Variants in CDH8 observed in about 807,000 individuals in gnomAD.
The protein encoded by CDH8 is cadherin-8.
Under a neutral mutation model 68.1 loss-of-function variants are expected in CDH8, and 17 were observed. That is an observed-to-expected ratio of 0.25 (90% CI 0.17 to 0.37). The LOEUF (loss-of-function observed/expected upper bound fraction) is 0.37. CDH8 is among the 10% of genes least tolerant of loss of function. The probability of loss-of-function intolerance (pLI) is 1.00; values close to 1 mark genes in which losing one functional copy is unlikely to be tolerated. For synonymous variants in CDH8, 372 were observed against 365.1 expected (o/e 1.02, Z -0.21); for missense variants, 763 against 999.3 (o/e 0.76, Z 3.19).
At chr16:62,021,852 C>T (rs961842379) in intron 1 of CDH8, among the ~76,000 whole-genome samples, 3 of 152,110 alleles carry the variant, frequency 2.0e-5, no homozygotes, top group Admixed American at 1.3e-4. Context: ...TAGAAGTTCT[C>T]TTTTTCCTCC....
chr16:61,957,093 T>C (rs1037318178), intron 2 of CDH8, among the ~76,000 whole-genome samples: 2 of 152,152 alleles, frequency 1.3e-5, no homozygotes, highest in South Asian at 2.1e-4. Context: ...GGTTATATAT[T>C]CAAAATTAGG....
intron 2 of CDH8, among the ~76,000 whole-genome samples, chr16:62,017,321 G>C (rs550646365): frequency 6.6e-6 from 1 of 152,118 alleles, no homozygotes; most frequent in Non-Finnish European, 1.5e-5. Flanking sequence ...ATAGACAAAG[G>C]GTATGAAATA....
intron 2 of CDH8, among the ~76,000 whole-genome samples, chr16:62,014,506 T>C (rs1383791026): frequency 1.3e-5 from 2 of 152,182 alleles, no homozygotes; most frequent in African/African-American, 4.8e-5. Context: ...AATTAAGCTG[T>C]GACTGCGTAG....
At chr16:61,941,318 T>C (rs897156880) in intron 2 of CDH8, among the ~76,000 whole-genome samples, 6 of 152,214 alleles carry the variant, frequency 3.9e-5, no homozygotes, top group African/African-American at 1.4e-4. Context: ...TTCGTATAGA[T>C]CTTCTTTGAC....
At chr16:61,705,769 A>C (rs755733205) in intron 10 of CDH8, among the ~76,000 whole-genome samples, 2 of 152,230 alleles carry the variant, frequency 1.3e-5, no homozygotes, top group African/African-American at 4.8e-5. Flanking sequence ...GTGAAAGTAT[A>C]GAAGTTAGAC....
intron 10 of CDH8, among the ~76,000 whole-genome samples, chr16:61,694,465 G>A (rs188482263): frequency 1.3e-5 from 2 of 152,200 alleles, no homozygotes; most frequent in East Asian, 1.9e-4. Context: ...TCATATTGGG[G>A]TGATGGAGTT....
chr16:61,800,877 T>C (rs150403947), intron 7 of CDH8, among the ~76,000 whole-genome samples: 7 of 152,240 alleles, frequency 4.6e-5, no homozygotes, highest in African/African-American at 1.4e-4. Flanking sequence ...TGTAGAAATA[T>C]AAGGAAAAAT....
chr16:61,772,755 G>C (rs989249730), intron 8 of CDH8, among the ~76,000 whole-genome samples: 1 of 151,972 alleles, frequency 6.6e-6, no homozygotes, highest in Non-Finnish European at 1.5e-5. Flanking sequence ...ATGGTCCCTG[G>C]ACCTGCAGCA....
chr16:61,982,399 T>G (rs2150583490), intron 2 of CDH8, among the ~76,000 whole-genome samples: 1 of 152,108 alleles, frequency 6.6e-6, no homozygotes, highest in East Asian at 1.9e-4. Context: ...TTTTGTATTT[T>G]TAGTAGAGAT....
At chr16:61,992,695 T>C (rs896626356) in intron 2 of CDH8, among the ~76,000 whole-genome samples, 3 of 152,212 alleles carry the variant, frequency 2.0e-5, no homozygotes, top group African/African-American at 7.2e-5. Context: ...AAATATCTTC[T>C]CAGGAAGTAC....
intron 2 of CDH8, among the ~76,000 whole-genome samples, chr16:61,910,716 G>A (rs996329751): frequency 3.3e-5 from 5 of 152,068 alleles, no homozygotes; most frequent in Non-Finnish European, 4.4e-5. Context: ...GGCATATAGG[G>A]TGGACTCTTA....
chr16:61,745,864 C>T (rs1398625720), intron 8 of CDH8, among the ~76,000 whole-genome samples: 1 of 151,978 alleles, frequency 6.6e-6, no homozygotes, highest in Non-Finnish European at 1.5e-5. Context: ...AGGCCCACTC[C>T]TCTTTGGCAG....
At chr16:62,024,829 G>T (rs1202483080) in intron 1 of CDH8, among the ~76,000 whole-genome samples, 22 of 152,170 alleles carry the variant, frequency 1.4e-4, no homozygotes, top group Non-Finnish European at 2.4e-4. Context: ...ACCATTATTT[G>T]AACCTAAGTA....
At chr16:61,945,257 G>A (rs1345184517) in intron 2 of CDH8, among the ~76,000 whole-genome samples, 3 of 152,046 alleles carry the variant, frequency 2.0e-5, no homozygotes, top group Non-Finnish European at 4.4e-5. Flanking sequence ...AAATGCAATG[G>A]TAAATGAGAA....
At chr16:61,862,462 A>G (rs1158763168) in intron 3 of CDH8, among the ~76,000 whole-genome samples, 1 of 152,158 alleles carries the variant, frequency 6.6e-6, no homozygotes, top group Non-Finnish European at 1.5e-5. Context: ...GCTTTTACCC[A>G]TGTACTCATC....
intron 10 of CDH8, among the ~76,000 whole-genome samples, chr16:61,709,410 A>G (rs1964588274): frequency 6.6e-6 from 1 of 152,110 alleles, no homozygotes; most frequent in Admixed American, 6.6e-5. Context: ...GCTGGAGAAA[A>G]GAGGAAGGAC....
chr16:61,720,531 G>A (rs1959209180), intron 9 of CDH8, among the ~76,000 whole-genome samples: 1 of 150,836 alleles, frequency 6.6e-6, no homozygotes, highest in Admixed American at 6.6e-5. Flanking sequence ...TTAGGGGCCA[G>A]AATAAAACGT....
At chr16:61,715,678 C>T (rs926287663) in intron 9 of CDH8, among the ~76,000 whole-genome samples, 1 of 151,512 alleles carries the variant, frequency 6.6e-6, no homozygotes, top group Non-Finnish European at 1.5e-5. Flanking sequence ...AAGGAGAATG[C>T]AATTATATTT....
At chr16:61,803,626 A>G (rs1389670011) in intron 7 of CDH8, among the ~76,000 whole-genome samples, 3 of 151,876 alleles carry the variant, frequency 2.0e-5, no homozygotes. Context: ...AGGAAGATCT[A>G]CCAAGGAAAT....
Sources: gnomAD v4.1 joint callset for allele counts (sites outside exome capture counted in the v4.1 genomes callset) on GRCh38, gnomAD v4.1.1 for gene constraint, MANE v1.5 for transcripts, NCBI Gene and HGNC (gene_info 2026-07-23, HGNC 2026-07-21) for gene names.